CELF2: variants seen among roughly 807,000 people sequenced by gnomAD.
CELF2 encodes the protein CUGBP Elav-like family member 2, also known as CUG triplet repeat RNA-binding protein 2.
CELF2 carries 8 observed loss-of-function variants against 62.6 expected under a neutral mutation model. The ratio of observed to expected loss-of-function variants is 0.13; its 90% CI spans 0.07 to 0.23. The LOEUF (loss-of-function observed/expected upper bound fraction) is 0.23, where lower values mean the gene tolerates loss of function less well. Ranked by LOEUF, CELF2 falls within the 10% of genes least tolerant of loss-of-function variation. CELF2 has a pLI of 1.00. For missense variants in CELF2, 333 were observed against 671.0 expected, an observed-to-expected ratio of 0.50 and a Z score of 5.56; for synonymous variants, 258 against 250.0, an observed-to-expected ratio of 1.03 and a Z score of -0.30.
chr10:10,758,410 G>A, the CELF2 span, among the ~76,000 whole-genome samples: 1 of 152,146 alleles, frequency 6.6e-6, no homozygotes. Flanking sequence ...AGTCTTAGTG[G>A]GAAACCCTGG....
chr10:11,153,660 C>T (rs533852210), intron 1 of CELF2, among the ~76,000 whole-genome samples: 6 of 152,224 alleles, frequency 3.9e-5, no homozygotes, highest in African/African-American at 1.4e-4. Flanking sequence ...CTGGAATCAT[C>T]TCATCTAAAG....
intron 2 of CELF2, among the ~76,000 whole-genome samples, chr10:11,181,669 C>T (rs945251026): frequency 6.6e-6 from 1 of 152,230 alleles, no homozygotes; most frequent in African/African-American, 2.4e-5. Flanking sequence ...TCACTGTGCA[C>T]AGTACTTTGT....
the CELF2 span, among the ~76,000 whole-genome samples, chr10:10,637,511 A>G: frequency 6.6e-6 from 1 of 152,198 alleles, no homozygotes; most frequent in African/African-American, 2.4e-5. Flanking sequence ...GGCTCTAGTG[A>G]CAGGAGATGA....
At chr10:11,054,488 T>TGAG (rs34704903) in intron 1 of CELF2, among the ~76,000 whole-genome samples, 6 of 99,750 alleles carry the variant, frequency 6.0e-5, no homozygotes, top group African/African-American at 1.5e-4. Context: ...TGTATGTGTG[T>TGAG]TTGTGTGTGT....
chr10:10,610,152 C>G, the CELF2 span, among the ~76,000 whole-genome samples: 1 of 152,156 alleles, frequency 6.6e-6, no homozygotes, highest in Non-Finnish European at 1.5e-5. Flanking sequence ...AAGTAACAGA[C>G]AGTAACACAT....
intron 3 of CELF2, among the ~76,000 whole-genome samples, chr10:11,222,934 A>G (rs2065324992): frequency 6.6e-6 from 1 of 152,224 alleles, no homozygotes; most frequent in African/African-American, 2.4e-5. Context: ...GCCCATAAAC[A>G]TACCTTCCAC....
intron 1 of CELF2, among the ~76,000 whole-genome samples, chr10:11,091,980 G>C (rs2048450113): frequency 6.6e-6 from 1 of 152,144 alleles, no homozygotes; most frequent in Non-Finnish European, 1.5e-5. Context: ...ATATAATACT[G>C]ATCAATATCC....
chr10:10,763,519 C>T, the CELF2 span, among the ~76,000 whole-genome samples: 1 of 152,170 alleles, frequency 6.6e-6, no homozygotes, highest in Non-Finnish European at 1.5e-5. Context: ...GGGTCTGTAC[C>T]TTCCGCAGAG....
At chr10:10,633,635 A>T in the CELF2 span, among the ~76,000 whole-genome samples, 2 of 152,122 alleles carry the variant, frequency 1.3e-5, no homozygotes, top group African/African-American at 2.4e-5. Context: ...TGTGAGTAAA[A>T]TATCTTTTAA....
chr10:11,071,751 A>G (rs575441766), intron 1 of CELF2: 3 of 152,328 alleles, frequency 2.0e-5, no homozygotes, highest in East Asian at 3.9e-4. Flanking sequence ...GGAAACAAGT[A>G]CAGGATTTTG....
intron 1 of CELF2, among the ~76,000 whole-genome samples, chr10:10,825,060 A>G (rs1334635757): frequency 1.3e-5 from 2 of 151,890 alleles, no homozygotes; most frequent in African/African-American, 4.8e-5. Context: ...ATACTTGGAA[A>G]CTCATTGGGG....
At chr10:10,505,842 A>C in the CELF2 span, among the ~76,000 whole-genome samples, 1 of 152,154 alleles carries the variant, frequency 6.6e-6, no homozygotes, top group Non-Finnish European at 1.5e-5. Flanking sequence ...GGGCTTTTTA[A>C]AATGTGCCTA....
At chr10:10,481,472 A>G in the CELF2 span, among the ~76,000 whole-genome samples, 1 of 152,166 alleles carries the variant, frequency 6.6e-6, no homozygotes, top group Admixed American at 6.5e-5. Context: ...CATGACAAGA[A>G]GAAAGTTCTC....
chr10:10,656,416 G>A, the CELF2 span, among the ~76,000 whole-genome samples: 1 of 133,686 alleles, frequency 7.5e-6, no homozygotes, highest in African/African-American at 2.8e-5. Flanking sequence ...AAAGACACAT[G>A]CACATGTATG....
In CELF2 at chr10:11,237,168, G is replaced by A. The variant is rs899066284; in HGVS notation, c.355-11985G>A. Among the ~76,000 whole-genome samples, 1 of 152,150 alleles carries A rather than the reference G, an allele frequency of 6.6e-6. No homozygotes were observed. Among genetic ancestry groups the A allele is most frequent in the South Asian group, 2.1e-4 (1 of 4,824 alleles). ...AAACCTCACTAGGGCTGTAGCCGTG[G>A]AAATAGAAAAGTCTATGAGAAGGAA... is the stretch of plus-strand genomic sequence containing the variant. On this transcript the variant is annotated intron_variant, in intron 3 of 12. Coordinates refer to ENST00000633077, the MANE Select transcript of CELF2 (RefSeq NM_001326342.2). This position sits in a 1 kb window ranked among gnomAD's most constrained non-coding sequence, Gnocchi z 4.0.
the CELF2 span, among the ~76,000 whole-genome samples, chr10:10,488,678 A>G: frequency 6.6e-6 from 1 of 151,992 alleles, no homozygotes; most frequent in Non-Finnish European, 1.5e-5. Context: ...TCTCTTTTCT[A>G]CTCTTTCTCA....
intron 1 of CELF2, among the ~76,000 whole-genome samples, chr10:11,048,829 T>G (rs151332006): frequency 6.6e-6 from 1 of 152,346 alleles, no homozygotes; most frequent in African/African-American, 2.4e-5. Flanking sequence ...CTCCAAAGTG[T>G]GTGTGCACAT....
chr10:10,728,452 C>CAAAAAAA, the CELF2 span, among the ~76,000 whole-genome samples: 1 of 81,440 alleles, frequency 1.2e-5, no homozygotes, highest in Non-Finnish European at 2.4e-5. Context: ...GACTCTGTTT[C>CAAAAAAA]AAAAAAAAAA....
chr10:10,675,607 C>CT, the CELF2 span, among the ~76,000 whole-genome samples: 1 of 151,544 alleles, frequency 6.6e-6, no homozygotes. Flanking sequence ...CATTTTATGT[C>CT]TTTTTTTTAG....
Sources: gnomAD v4.1 joint callset for allele counts (sites outside exome capture counted in the v4.1 genomes callset) on GRCh38, gnomAD v4.1.1 for gene constraint, Gnocchi (gnomAD v3.1) non-coding constraint, MANE v1.5 for transcripts, NCBI Gene and HGNC (gene_info 2026-07-23, HGNC 2026-07-21) for gene names.